The following EFHC1 variants were observed in gnomAD, a reference collection of about 807,000 sequenced individuals.
The protein encoded by EFHC1 is EF-hand domain-containing protein 1.
A neutral mutation model predicts 69.9 loss-of-function variants in EFHC1; 53 were observed. That is an observed-to-expected ratio of 0.76 (90% confidence interval 0.61 to 0.95). The LOEUF is 0.95. Ranked by LOEUF, EFHC1 falls within the 40% of genes least tolerant of loss-of-function variation. The pLI is 0.00. For missense variants in EFHC1, 739 were observed against 798.7 expected (o/e 0.93, Z 0.90); for synonymous variants, 256 against 278.4 (o/e 0.92, Z 0.80).
chr6:52,486,176 A>G (rs1562464723), intron 9 of EFHC1: 1 of 152,208 alleles, frequency 6.6e-6, no homozygotes, highest in Non-Finnish European at 1.5e-5. Flanking sequence ...AGTACTTTTT[A>G]TGTCAATTGT....
intron 1 of EFHC1, among the ~76,000 whole-genome samples, chr6:52,422,283 T>C (rs1764207058): frequency 6.6e-6 from 1 of 152,198 alleles, no homozygotes; most frequent in East Asian, 1.9e-4. Context: ...CTGAAGTCAC[T>C]GATGTTGCTT....
intron 3 of EFHC1, among the ~76,000 whole-genome samples, chr6:52,449,570 A>G (rs1764870402): frequency 1.3e-5 from 2 of 152,176 alleles, no homozygotes; most frequent in Non-Finnish European, 2.9e-5. Flanking sequence ...GTATGTGTCC[A>G]GGAATTTATC....
At chr6:52,421,150 A>T in intron 1 of EFHC1, 1 of 668,932 alleles carries the variant, frequency 1.5e-6, no homozygotes, top group Non-Finnish European at 1.9e-6. Flanking sequence ...ATTTAGTCCC[A>T]TCCTCTCCCC....
chr6:52,483,357 G>A (rs2114028686), intron 9 of EFHC1: 1 of 152,390 alleles, frequency 6.6e-6, no homozygotes, highest in East Asian at 1.9e-4. Flanking sequence ...TTCAAAATTA[G>A]GGCTCAGCCA....
intron 10 of EFHC1, among the ~76,000 whole-genome samples, chr6:52,491,419 G>A (rs1416922101): frequency 2.0e-5 from 3 of 152,342 alleles, no homozygotes; most frequent in East Asian, 3.9e-4. Context: ...CACAGGTTGA[G>A]CAGTGGCATA....
chr6:52,491,764 C>T (rs1330828720), intron 10 of EFHC1, among the ~76,000 whole-genome samples: 5 of 152,274 alleles, frequency 3.3e-5, no homozygotes, highest in South Asian at 2.1e-4. Context: ...CAAAGGCAAC[C>T]GCCCGAGCTG....
chr6:52,445,097 A>G (rs1050576741), intron 3 of EFHC1, among the ~76,000 whole-genome samples: 1 of 149,284 alleles, frequency 6.7e-6, no homozygotes. Flanking sequence ...AGGTGTTTAT[A>G]GTATTTTCTG....
chr6:52,488,367 T>C (rs1765829995), intron 9 of EFHC1: 1 of 152,234 alleles, frequency 6.6e-6, no homozygotes, highest in Non-Finnish European at 1.5e-5. Flanking sequence ...GTTCTTGGCT[T>C]ACTACAAAAG....
chr6:52,479,978 T>TTG, intron 9 of EFHC1, 191 bp downstream of exon 9: 1 of 885,380 alleles, frequency 1.1e-6, no homozygotes, highest in Non-Finnish European at 1.7e-6. Flanking sequence ...TTCATTTGTT[T>TTG]AGCAAATACA....
intron 2 of EFHC1, among the ~76,000 whole-genome samples, chr6:52,426,128 T>C (rs1764295455): frequency 6.6e-6 from 1 of 152,210 alleles, no homozygotes; most frequent in Non-Finnish European, 1.5e-5. Context: ...CCTGTCCTCT[T>C]TCTATAATAC....
In EFHC1 at chr6:52,479,792, G is replaced by T; in HGVS notation, c.1640+5G>T. 2 of 1,613,888 alleles carry T rather than the reference G, an allele frequency of 1.2e-6. No homozygotes were observed. The highest frequency in any genetic ancestry group is 1.7e-6 in the Non-Finnish European group (2 of 1,180,006). ...GCCTGCTCCAGAAGCAGAAAGGTGT[G>T]TGTTTGATTGCTAGGGTTTGGCACA... On this transcript the variant is annotated splice_donor_5th_base_variant and intron_variant, in intron 9 of 10. Coordinates refer to ENST00000371068, the MANE Select transcript of EFHC1 (RefSeq NM_018100.4).
In EFHC1 at chr6:52,449,213, C is replaced by T. The variant is rs374585652; in HGVS notation, c.574-3475C>T. On this transcript the variant is annotated intron_variant, in intron 3 of 10. Coordinates refer to ENST00000371068, the MANE Select transcript of EFHC1 (RefSeq NM_018100.4). ...CCTGGCTAACACAGTGAAACCCCATCTCTACTAAAAATACAAAAAATTAGC... is the reference window on the plus strand; with the variant it reads ...CCTGGCTAACACAGTGAAACCCCATTTCTACTAAAAATACAAAAAATTAGC... Among the ~76,000 whole-genome samples the T allele has an allele frequency of 2.0e-5, 3 of 152,186 alleles. No individual in the cohort carries two copies. In the East Asian group the frequency reaches 5.8e-4, roughly 29 times the overall value.
chr6:52,456,862 C>A (rs958460450), intron 5 of EFHC1, among the ~76,000 whole-genome samples: 1 of 152,054 alleles, frequency 6.6e-6, no homozygotes, highest in Non-Finnish European at 1.5e-5. Context: ...CTGCAGTGAG[C>A]GGAGATTGCG....
intron 7 of EFHC1, among the ~76,000 whole-genome samples, chr6:52,478,422 T>TAAAA: frequency 6.6e-6 from 1 of 151,606 alleles, no homozygotes; most frequent in African/African-American, 2.4e-5. Flanking sequence ...ACTTAAACTA[T>TAAAA]AATAAAAAAA....
chr6:52,495,820 T>TAA lies in EFHC1; in HGVS notation c.*3480_*3481dup. ...CCACTTCTTGCCTTGCATCTCCTTT[T>TAA]AAGTTTACTTAAGACTGAGAAGCTG... On this transcript the variant is annotated 3_prime_UTR_variant, in exon 11 of 11. Coordinates refer to ENST00000371068, the MANE Select transcript of EFHC1 (RefSeq NM_018100.4). The TAA allele has an allele frequency of 5.7e-6, 2 of 352,326 alleles. No individual in the cohort carries two copies. The highest frequency in any genetic ancestry group is 4.4e-5 in the South Asian group (2 of 45,090). The allele number at this position is 352,326 out of a possible 1,614,324, so 21.8% of individuals were successfully genotyped here.
At chr6:52,469,178 GTGATATGTTATATTTTC>G in intron 6 of EFHC1, 138 bp from the exon 7 acceptor site, 6 of 937,088 alleles carry the variant, frequency 6.4e-6, no homozygotes, top group Non-Finnish European at 7.9e-6. Flanking sequence ...AAGGGGATAA[GTGATATGTTATATTTTC>G]TGACTATATT....
At chr6:52,433,871 G>A (rs1764468781) in intron 2 of EFHC1, among the ~76,000 whole-genome samples, 1 of 152,100 alleles carries the variant, frequency 6.6e-6, no homozygotes, top group South Asian at 2.1e-4. Flanking sequence ...GGAGGATGGG[G>A]GTGAGGGTCT....
chr6:52,432,158 A>G (rs2113973657), intron 2 of EFHC1, among the ~76,000 whole-genome samples: 1 of 152,260 alleles, frequency 6.6e-6, no homozygotes, highest in South Asian at 2.1e-4. Context: ...GCGATTCTGT[A>G]TCTTTTAATT....
At chr6:52,423,693 T>TTTTTTG in intron 1 of EFHC1, 2 of 534,698 alleles carry the variant, frequency 3.7e-6, no homozygotes, top group Non-Finnish European at 6.3e-6. Flanking sequence ...TTAGTTTTTG[T>TTTTTTG]AGAGACAGCA....
Sources: allele counts gnomAD v4.1 joint callset (sites outside exome capture counted in the v4.1 genomes callset), GRCh38; gene constraint gnomAD v4.1.1; transcripts MANE v1.5; gene names NCBI Gene and HGNC (gene_info 2026-07-23, HGNC 2026-07-21).